Variants in CALN1 observed in about 807,000 individuals in gnomAD.
CALN1 encodes calneuron 1, also known as calcium-binding protein 8.
Under a neutral mutation model 30.6 loss-of-function variants are expected in CALN1, and 17 were observed. The ratio of observed to expected loss-of-function variants is 0.56; its 90% confidence interval spans 0.38 to 0.83. The LOEUF (loss-of-function observed/expected upper bound fraction) is 0.83. CALN1 is among the 40% of genes least tolerant of loss of function. The pLI is 0.00. For synonymous variants in CALN1, 156 were observed against 131.4 expected (o/e 1.19, Z -1.28); for missense variants, 291 against 354.9 (o/e 0.82, Z 1.45).
intron 3 of CALN1, among the ~76,000 whole-genome samples, chr7:72,267,287 G>A (rs1190654673): frequency 1.3e-5 from 2 of 152,192 alleles, no homozygotes; most frequent in East Asian, 3.9e-4. Flanking sequence ...GACCACATGG[G>A]TGGCAGGTGG....
At chr7:72,151,940 G>A (rs1412293827) in intron 3 of CALN1, among the ~76,000 whole-genome samples, 3 of 135,576 alleles carry the variant, frequency 2.2e-5, no homozygotes, top group Middle Eastern at 4.2e-3. Context: ...ACAGAATCTC[G>A]CTCTGTCGCC....
At chr7:72,182,142 T>C (rs1471045196) in intron 3 of CALN1, among the ~76,000 whole-genome samples, 4 of 152,140 alleles carry the variant, frequency 2.6e-5, no homozygotes, top group Non-Finnish European at 4.4e-5. Context: ...AGGTGAGCCC[T>C]AGAATGCCGC....
rs551986570 is a variant in CALN1 at position 72,288,876 on chromosome 7, G to A, written c.120-10066C>T. Reference sequence around the variant, plus strand: ...GTCAGAATTATTGTTTCTTACAATCGATACTTATGTAAACTTTTCCACAAG... The same window carrying A: ...GTCAGAATTATTGTTTCTTACAATCAATACTTATGTAAACTTTTCCACAAG... On this transcript the variant is annotated intron_variant, in intron 2 of 6. Coordinates refer to ENST00000395275, the MANE Select transcript of CALN1 (RefSeq NM_031468.4). 3.3e-4 allele frequency among the ~76,000 whole-genome samples: 50 copies of A among 151,954 alleles called. No homozygotes were observed. The Middle Eastern group carries it at 0.014, about 41-fold the overall frequency.
intron 2 of CALN1, among the ~76,000 whole-genome samples, chr7:72,377,069 C>A (rs533394956): frequency 1.5e-3 from 221 of 152,298 alleles, no homozygotes; most frequent in African/African-American, 5.2e-3. Context: ...TATGCCAGTG[C>A]CACACTGTTT....
At chr7:72,408,619 G>A (rs1396626219) in intron 1 of CALN1, among the ~76,000 whole-genome samples, 2 of 150,594 alleles carry the variant, frequency 1.3e-5, no homozygotes, top group East Asian at 1.9e-4. Context: ...TTACATGCAA[G>A]GATTGCATGG....
rs202041242 is a variant in CALN1, at chr7:72,292,811, ACT to A, written c.120-14003_120-14002del. Among the ~76,000 whole-genome samples, 588 of 64,326 alleles carry A rather than the reference ACT, an allele frequency of 9.1e-3. 10 individuals carry two copies. Among genetic ancestry groups the A allele is most frequent in the African/African-American group, 0.029 (493 of 16,828 alleles). The allele number at this position is 64,326 out of a possible 152,430, so 42.2% of individuals were successfully genotyped here. ...ACTCCAGCTTGGGCAACAGAACAAT[ACT>A]CTGTCTCAAAAAAAAAAAAAAGAAT... On this transcript the variant is annotated intron_variant, in intron 2 of 6. Coordinates refer to ENST00000395275, the MANE Select transcript of CALN1 (RefSeq NM_031468.4).
At chr7:72,472,760 C>G in the CALN1 span, among the ~76,000 whole-genome samples, 1 of 152,018 alleles carries the variant, frequency 6.6e-6, no homozygotes, top group East Asian at 1.9e-4. Flanking sequence ...CCAGCCTGAG[C>G]GACAGAGGGA....
chr7:72,041,090 T>C (rs1334308771), intron 4 of CALN1, among the ~76,000 whole-genome samples: 1 of 152,030 alleles, frequency 6.6e-6, no homozygotes, highest in African/African-American at 2.4e-5. Flanking sequence ...TGGCCTAAAA[T>C]TGAGGCAAAA....
At chr7:72,157,028 C>T (rs955822133) in intron 3 of CALN1, among the ~76,000 whole-genome samples, 2 of 152,108 alleles carry the variant, frequency 1.3e-5, no homozygotes, top group African/African-American at 2.4e-5. Context: ...ATGACATAAA[C>T]GCCAGTCAAA....
chr7:72,378,479 T>A (rs572106107), intron 2 of CALN1, among the ~76,000 whole-genome samples: 1 of 152,332 alleles, frequency 6.6e-6, no homozygotes, highest in South Asian at 2.1e-4. Flanking sequence ...TAATGGCTTT[T>A]ATGGAAACAC....
At chr7:72,282,218 G>A (rs1299096797) in intron 2 of CALN1, among the ~76,000 whole-genome samples, 2 of 152,152 alleles carry the variant, frequency 1.3e-5, no homozygotes, top group Non-Finnish European at 2.9e-5. Flanking sequence ...TTCAAGCAAA[G>A]ATAAACCTTG....
chr7:72,135,898 C>T (rs1483985648), intron 3 of CALN1, among the ~76,000 whole-genome samples: 5 of 151,884 alleles, frequency 3.3e-5, no homozygotes, highest in Admixed American at 6.6e-5. Context: ...TTTGGGAGGC[C>T]GAGGTGGGTG....
At chr7:72,220,345 C>T (rs1192912236) in intron 3 of CALN1, among the ~76,000 whole-genome samples, 5 of 151,904 alleles carry the variant, frequency 3.3e-5, no homozygotes, top group African/African-American at 9.7e-5. Context: ...TCCAGTTTCA[C>T]CCATGTCCCT....
chr7:72,463,578 G>A, the CALN1 span, among the ~76,000 whole-genome samples: 8 of 151,862 alleles, frequency 5.3e-5, no homozygotes, highest in Non-Finnish European at 1.0e-4. Flanking sequence ...TTATTTTTTT[G>A]AGTCAGTGTC....
At chr7:72,294,770 A>C (rs1798737616) in intron 2 of CALN1, among the ~76,000 whole-genome samples, 1 of 151,462 alleles carries the variant, frequency 6.6e-6, no homozygotes. Context: ...ATAAATAAAT[A>C]AATAAATAAA....
At position 72,429,294 on chromosome 7, in the gene CALN1, A is replaced by AT. The variant is rs549182728; in HGVS notation, c.-225-17020dup. Among the ~76,000 whole-genome samples, 631 of 152,338 alleles carry AT rather than the reference A, an allele frequency of 4.1e-3. 3 individuals are homozygous for AT. Among genetic ancestry groups the AT allele is most frequent in the African/African-American group, 0.012 (516 of 41,566 alleles). On this transcript the variant is annotated intron_variant, in intron 1 of 6. Transcript: ENST00000395276. ...ATTATTTGTGTTTCACCCCTAGACT[A>AT]TGAGTCCCGTCAGAGCAGGACCTTA...
rs549877038 is a variant in CALN1 at position 72,222,077 on chromosome 7, T to C, written c.244+56609A>G. ...CCTGTCTCTACTAAAAGTGCAAAAA[T>C]TAGCCAAGTATGGGGGCACAAGCCT... On this transcript the variant is annotated intron_variant, in intron 3 of 6. Coordinates refer to ENST00000395275, the MANE Select transcript of CALN1 (RefSeq NM_031468.4). Among the ~76,000 whole-genome samples the C allele has an allele frequency of 1.6e-4, 24 of 151,852 alleles. No individual in the cohort carries two copies. The South Asian group carries it at 2.1e-3, about 13-fold the overall frequency.
intron 1 of CALN1, among the ~76,000 whole-genome samples, chr7:72,403,997 A>T (rs1226947302): frequency 6.6e-6 from 1 of 152,098 alleles, no homozygotes; most frequent in Non-Finnish European, 1.5e-5. Context: ...TCCCATTACC[A>T]GCTCCAGGGC....
At chr7:71,933,512 G>A (rs1042085367) in intron 5 of CALN1, among the ~76,000 whole-genome samples, 1 of 151,982 alleles carries the variant, frequency 6.6e-6, no homozygotes, top group Non-Finnish European at 1.5e-5. Context: ...TTTTCTTGGC[G>A]CAAGATGATG....
Sources: gnomAD v4.1 joint callset for allele counts (sites outside exome capture counted in the v4.1 genomes callset) on GRCh38, gnomAD v4.1.1 for gene constraint, MANE v1.5 for transcripts, NCBI Gene and HGNC (gene_info 2026-07-23, HGNC 2026-07-21) for gene names.